CRACDL: variants seen among roughly 807,000 people sequenced by gnomAD.
The protein encoded by CRACDL is CRACD-like protein.
Under a neutral mutation model 70.6 loss-of-function variants are expected in CRACDL, and 26 were observed. The observed-to-expected ratio is 0.37, with a 90% CI of 0.27 to 0.51. CRACDL has a LOEUF of 0.51. Among genes scored for constraint, CRACDL ranks in the 20% least tolerant of loss-of-function variants. The pLI is 0.94. For missense variants in CRACDL, 1,283 were observed against 1,376.9 expected (o/e 0.93, Z 1.08); for synonymous variants, 618 against 615.2 (o/e 1.00, Z -0.07).
At chr2:98,869,251 T>A in intron 1 of CRACDL, 3 of 1,267,774 alleles carry the variant, frequency 2.4e-6, no homozygotes, top group Non-Finnish European at 3.1e-6. Context: ...AGAGCCCTTG[T>A]CCCCATCTCT....
chr2:98,884,606 T>C (rs1242125223), intron 1 of CRACDL, among the ~76,000 whole-genome samples: 1 of 152,046 alleles, frequency 6.6e-6, no homozygotes, highest in Non-Finnish European at 1.5e-5. Context: ...CCCAGTGCAA[T>C]GGTATTAGGA....
intron 1 of CRACDL, among the ~76,000 whole-genome samples, chr2:98,850,713 C>T (rs1706447524): frequency 6.6e-6 from 1 of 152,216 alleles, no homozygotes; most frequent in Non-Finnish European, 1.5e-5. Flanking sequence ...AGCCTCCAGG[C>T]CCTGCTGCGG....
chr2:98,806,999 C>T (rs564357990), intron 7 of CRACDL, among the ~76,000 whole-genome samples: 5 of 152,278 alleles, frequency 3.3e-5, no homozygotes, highest in African/African-American at 7.2e-5. Context: ...AAGTTTCTCC[C>T]GACCAAAGAA....
intron 1 of CRACDL, among the ~76,000 whole-genome samples, chr2:98,859,699 A>C (rs1706856847): frequency 6.6e-6 from 1 of 152,234 alleles, no homozygotes; most frequent in African/African-American, 2.4e-5. Context: ...TACAGCTTAC[A>C]TCATACTCAG....
intron 1 of CRACDL, among the ~76,000 whole-genome samples, chr2:98,901,935 C>T (rs1158464421): frequency 2.0e-5 from 3 of 152,080 alleles, no homozygotes; most frequent in African/African-American, 7.2e-5. Flanking sequence ...AAGACAGGAA[C>T]ACAAGAGAAG....
At chr2:98,801,985 G>T (rs1704097595) in intron 7 of CRACDL, among the ~76,000 whole-genome samples, 1 of 152,268 alleles carries the variant, frequency 6.6e-6, no homozygotes, top group African/African-American at 2.4e-5. Context: ...CCTCGTGGCT[G>T]TTGTGATAAG....
At position 98,822,088 on chromosome 2, in the gene CRACDL, G is replaced by A. The variant is rs1705068823; in HGVS notation, c.2185C>T (p.Pro729Ser). The change falls in exon 7 of 10, where the codon CCC (proline) becomes TCC (serine). Residue 729 changes from proline to serine, a missense_variant. This residue lies in a region of CRACDL where 921 missense variants were observed against 881.9 expected (regional missense o/e 1.04). Transcript: ENST00000397899. The surrounding 1 kb of genome is among the most constrained non-coding windows in gnomAD (Gnocchi z 4.9). The stretch of plus-strand genomic sequence containing the variant: ...CGAAGGGCGGGGGCCGTCCCGAGGG[G>A]ACACTTCTCCTCCTTCGGGAGCACG... Reference protein sequence around the residue: ...LTVLPKEEKCPLGTAPALRGT... With the variant: ...LTVLPKEEKCSLGTAPALRGT... 1.9e-6 allele frequency: 3 copies of A among 1,561,186 alleles called. No homozygotes were observed. The highest frequency in any genetic ancestry group is 1.9e-5 in the Admixed American group (1 of 52,192).
intron 1 of CRACDL, among the ~76,000 whole-genome samples, chr2:98,899,414 G>A (rs1558630099): frequency 6.6e-6 from 1 of 152,268 alleles, no homozygotes. Context: ...CCACCAGAAA[G>A]AGAAGAATGT....
chr2:98,887,407 G>A (rs937285556), intron 1 of CRACDL, among the ~76,000 whole-genome samples: 1 of 152,130 alleles, frequency 6.6e-6, no homozygotes, highest in Non-Finnish European at 1.5e-5. Flanking sequence ...GGATTTGCTT[G>A]GGCCCTGGAG....
At position 98,846,785 on chromosome 2, in the gene CRACDL, C is replaced by T. The variant is rs751789011; in HGVS notation, c.16G>A (p.Val6Met). 1.9e-6 allele frequency: 3 copies of T among 1,614,164 alleles called. No homozygotes were observed. In the Admixed American group the frequency reaches 5.0e-5, roughly 27 times the overall value. Residue 6 changes from valine to methionine, a missense_variant, in exon 2 of 10, where the codon GTG (valine) becomes ATG (methionine). Transcript: ENST00000397899. Reference sequence around the variant, plus strand: ...GCCTCCCGAAGCTTAATGTCCATCACCCTTGTGGAAATCATGTCAAGCTCG... The same window carrying T: ...GCCTCCCGAAGCTTAATGTCCATCATCCTTGTGGAAATCATGTCAAGCTCG... MISTRVMDIKLREAAE... is the reference protein window; with the variant it reads MISTRMMDIKLREAAE...
chr2:98,840,891 A>G (rs1348956338), intron 2 of CRACDL, among the ~76,000 whole-genome samples: 2 of 152,154 alleles, frequency 1.3e-5, no homozygotes, highest in African/African-American at 4.8e-5. Context: ...ACCAAATCTG[A>G]AAATCTGAAA....
At chr2:98,925,793 G>A (rs1034457037) in intron 1 of CRACDL, among the ~76,000 whole-genome samples, 1 of 152,024 alleles carries the variant, frequency 6.6e-6, no homozygotes, top group African/African-American at 2.4e-5. Flanking sequence ...CCAAAAGGTG[G>A]GGAGCAATGC....
At chr2:98,866,880 T>C (rs1466971686) in intron 1 of CRACDL, among the ~76,000 whole-genome samples, 1 of 152,156 alleles carries the variant, frequency 6.6e-6, no homozygotes, top group Non-Finnish European at 1.5e-5. Flanking sequence ...CAATGTCACA[T>C]TTCTTTAGCC....
intron 2 of CRACDL, among the ~76,000 whole-genome samples, 159 bp downstream of exon 2, chr2:98,846,572 C>G (rs1706262937): frequency 6.6e-6 from 1 of 152,124 alleles, no homozygotes; most frequent in South Asian, 2.1e-4. Flanking sequence ...GCATGTGCCC[C>G]CAGTCACAGC....
At chr2:98,887,497 C>T (rs1309557875) in intron 1 of CRACDL, among the ~76,000 whole-genome samples, 3 of 151,956 alleles carry the variant, frequency 2.0e-5, no homozygotes, top group African/African-American at 7.2e-5. Context: ...GAAAAATGAA[C>T]AGAGCCTCAA....
chr2:98,843,577 T>A (rs534057274), intron 2 of CRACDL, among the ~76,000 whole-genome samples: 4 of 152,344 alleles, frequency 2.6e-5, no homozygotes, highest in African/African-American at 7.2e-5. Context: ...TGAGGTATAT[T>A]TGCATATGAA....
chr2:98,909,777 GGA>G lies in CRACDL; in HGVS notation c.-11+26159_-11+26160del, dbSNP rs144273059. Among the ~76,000 whole-genome samples the G allele has an allele frequency of 4.1e-3, 621 of 152,302 alleles. 4 individuals are homozygous for G. The highest frequency in any genetic ancestry group is 0.015 in the African/African-American group (603 of 41,546). The stretch of plus-strand genomic sequence containing the variant: ...TTTTTCCCTGGTTCCCTTACAGGCA[GGA>G]GAATCTTGTTCCTCTGCCACCTGTA... On this transcript the variant is annotated intron_variant, in intron 1 of 9. Transcript: ENST00000397899.
intron 1 of CRACDL, among the ~76,000 whole-genome samples, chr2:98,893,272 C>T (rs1708025649): frequency 6.6e-6 from 1 of 152,040 alleles, no homozygotes; most frequent in South Asian, 2.1e-4. Context: ...AAACTGTCCT[C>T]AGTCAAGAGA....
intron 1 of CRACDL, among the ~76,000 whole-genome samples, chr2:98,911,341 G>C (rs957575931): frequency 6.1e-4 from 93 of 152,312 alleles, no homozygotes; most frequent in African/African-American, 2.2e-3. Context: ...AATGCCTCCG[G>C]GGCTGGTACC....
Sources: allele counts gnomAD v4.1 joint callset (sites outside exome capture counted in the v4.1 genomes callset), GRCh38; gene constraint gnomAD v4.1.1; regional missense constraint gnomAD v4.1.1; non-coding constraint Gnocchi (gnomAD v3.1); transcripts MANE v1.5; gene names NCBI Gene and HGNC (gene_info 2026-07-23, HGNC 2026-07-21).